Variants in CNTN4 observed in about 807,000 individuals in gnomAD.
The protein encoded by CNTN4 is contactin-4.
Under a neutral mutation model 122.5 loss-of-function variants are expected in CNTN4, and 77 were observed. The ratio of observed to expected loss-of-function variants is 0.63; its 90% CI spans 0.52 to 0.76. CNTN4 has a LOEUF of 0.76. Ranked by LOEUF, CNTN4 falls within the 30% of genes least tolerant of loss-of-function variation. The probability of loss-of-function intolerance (pLI) is 0.00; values close to 1 mark genes in which losing one functional copy is unlikely to be tolerated. For missense variants in CNTN4, 1,256 were observed against 1,259.1 expected (o/e 1.00, Z 0.04); for synonymous variants, 512 against 447.0 (o/e 1.15, Z -1.83).
At chr3:2,149,509 A>T (rs1026791613) in intron 2 of CNTN4, among the ~76,000 whole-genome samples, 4 of 152,152 alleles carry the variant, frequency 2.6e-5, no homozygotes, top group African/African-American at 9.7e-5. Context: ...TATGCTGAAG[A>T]TGGAGACCTT....
intron 3 of CNTN4, among the ~76,000 whole-genome samples, chr3:2,456,778 C>A (rs751108489): frequency 6.6e-6 from 1 of 152,148 alleles, no homozygotes; most frequent in Middle Eastern, 3.4e-3. Flanking sequence ...TATCTATGGA[C>A]GCTTGAGTTG....
At chr3:2,148,593 T>G (rs900254328) in intron 2 of CNTN4, among the ~76,000 whole-genome samples, 5 of 152,062 alleles carry the variant, frequency 3.3e-5, no homozygotes, top group African/African-American at 1.2e-4. Context: ...TTTTCTAACT[T>G]CTGGTTTTAA....
chr3:2,953,519 G>A lies in CNTN4; in HGVS notation c.1358+27740G>A, dbSNP rs142238897. Among the ~76,000 whole-genome samples the A allele has an allele frequency of 1.4e-3, 205 of 151,506 alleles. 1 individual carries two copies. Among genetic ancestry groups the A allele is most frequent in the African/African-American group, 3.7e-3 (153 of 41,240 alleles). ...CATTCTACAACTTCTAAACTGACCC[G>A]GGGCACAGTTTTTGGGCCTTTTTTG... is the stretch of plus-strand genomic sequence containing the variant. On this transcript the variant is annotated intron_variant, in intron 13 of 24. Transcript: ENST00000418658.
chr3:2,458,622 G>T (rs1379436710), intron 3 of CNTN4, among the ~76,000 whole-genome samples: 1 of 144,480 alleles, frequency 6.9e-6, no homozygotes, highest in Non-Finnish European at 1.6e-5. Flanking sequence ...TCAAGAATGT[G>T]CGATTTTTTT....
At chr3:2,396,311 C>A (rs2046638162) in intron 3 of CNTN4, among the ~76,000 whole-genome samples, 1 of 152,178 alleles carries the variant, frequency 6.6e-6, no homozygotes, top group Non-Finnish European at 1.5e-5. Flanking sequence ...AGGCATGAGC[C>A]AAAGCGCCCA....
At chr3:2,219,485 A>G (rs544688372) in intron 2 of CNTN4, among the ~76,000 whole-genome samples, 3 of 152,218 alleles carry the variant, frequency 2.0e-5, no homozygotes, top group Non-Finnish European at 2.9e-5. Context: ...TTTTCAGGCC[A>G]TTGCATCCTT....
intron 4 of CNTN4, among the ~76,000 whole-genome samples, chr3:2,637,701 C>G (rs758362567): frequency 5.9e-5 from 9 of 152,092 alleles, no homozygotes. Flanking sequence ...TCCTATAAAG[C>G]CTGTATGTTT....
intron 4 of CNTN4, among the ~76,000 whole-genome samples, chr3:2,729,419 C>T (rs1204092738): frequency 1.3e-5 from 2 of 151,040 alleles, no homozygotes; most frequent in African/African-American, 4.9e-5. Flanking sequence ...GTGGCAGGCG[C>T]CTGTATTTCC....
chr3:2,415,854 G>A (rs557308705), intron 3 of CNTN4, among the ~76,000 whole-genome samples: 15 of 151,832 alleles, frequency 9.9e-5, no homozygotes, highest in African/African-American at 2.7e-4. Flanking sequence ...GCTTATTAGC[G>A]TTCTTGGTTG....
At chr3:2,549,526 A>T (rs2078392786) in intron 3 of CNTN4, among the ~76,000 whole-genome samples, 1 of 152,144 alleles carries the variant, frequency 6.6e-6, no homozygotes, top group African/African-American at 2.4e-5. Context: ...TGTTGAACCA[A>T]CCTTGCATCC....
At chr3:2,635,429 CTG>C (rs1463139031) in intron 4 of CNTN4, among the ~76,000 whole-genome samples, 1 of 152,140 alleles carries the variant, frequency 6.6e-6, no homozygotes, top group East Asian at 1.9e-4. Flanking sequence ...AGTGAAAAAT[CTG>C]TGAGTAAAAA....
At chr3:2,311,968 C>A (rs748811302) in intron 2 of CNTN4, among the ~76,000 whole-genome samples, 1 of 151,576 alleles carries the variant, frequency 6.6e-6, no homozygotes, top group Non-Finnish European at 1.5e-5. Flanking sequence ...ATTGTAAGCA[C>A]GTAATAAATA....
intron 2 of CNTN4, among the ~76,000 whole-genome samples, chr3:2,145,692 A>G (rs936478782): frequency 1.3e-5 from 2 of 152,242 alleles, no homozygotes; most frequent in African/African-American, 4.8e-5. Context: ...TAATCATGCC[A>G]AGCATTATAC....
At chr3:3,026,939 C>T (rs555049398) in intron 15 of CNTN4, among the ~76,000 whole-genome samples, 62 of 152,202 alleles carry the variant, frequency 4.1e-4, no homozygotes, top group Non-Finnish European at 7.9e-4. Context: ...TCTGCTCTAA[C>T]GCACCTCTGT....
chr3:2,400,432 T>TATATATATATAC (rs2046811969), intron 3 of CNTN4, among the ~76,000 whole-genome samples: 4 of 103,186 alleles, frequency 3.9e-5, no homozygotes, highest in African/African-American at 1.2e-4. Context: ...TATATACATA[T>TATATATATATAC]ATATATATAT....
At chr3:2,153,027 T>TA (rs1237831136) in intron 2 of CNTN4, among the ~76,000 whole-genome samples, 1 of 152,134 alleles carries the variant, frequency 6.6e-6, no homozygotes, top group Non-Finnish European at 1.5e-5. Flanking sequence ...TCAAGAGAAT[T>TA]AATAGCTACT....
intron 7 of CNTN4, among the ~76,000 whole-genome samples, chr3:2,837,073 A>G (rs921440645): frequency 6.6e-6 from 1 of 152,222 alleles, no homozygotes; most frequent in Admixed American, 6.5e-5. Context: ...TATTTGTAAT[A>G]TGTTAGAAAA....
At chr3:2,445,689 T>C (rs2048600142) in intron 3 of CNTN4, among the ~76,000 whole-genome samples, 1 of 152,186 alleles carries the variant, frequency 6.6e-6, no homozygotes, top group South Asian at 2.1e-4. Context: ...AATTCACCTT[T>C]GCATTTTTTC....
Position 2,334,931 on chromosome 3 carries a change from A to T in CNTN4, c.-144-4247A>T, listed in dbSNP as rs566525532. ...CCGACACACCTTTTGGTTTTGAGGTATTTGGAAAGGGTCTAGATCAGGACT... is the reference window on the plus strand; with the variant it reads ...CCGACACACCTTTTGGTTTTGAGGTTTTTGGAAAGGGTCTAGATCAGGACT... On this transcript the variant is annotated intron_variant, in intron 2 of 24. Transcript: ENST00000418658. Among the ~76,000 whole-genome samples the T allele has an allele frequency of 2.0e-5, 3 of 152,286 alleles. No homozygotes were observed. In the South Asian group the frequency reaches 6.2e-4, roughly 32 times the overall value.
Sources: allele counts gnomAD v4.1 joint callset (sites outside exome capture counted in the v4.1 genomes callset), GRCh38; gene constraint gnomAD v4.1.1; transcripts MANE v1.5; gene names NCBI Gene and HGNC (gene_info 2026-07-23, HGNC 2026-07-21).